The following PCDHA9 variants were observed in gnomAD, a reference collection of about 807,000 sequenced individuals.
The protein encoded by PCDHA9 is protocadherin alpha-9.
Under a neutral mutation model 62.0 loss-of-function variants are expected in PCDHA9, and 62 were observed. That is an observed-to-expected ratio of 1.00 (90% CI 0.81 to 1.23). The LOEUF is 1.23. Ranked by LOEUF, PCDHA9 falls within the 50% of genes most tolerant of loss-of-function variation. PCDHA9 has a pLI of 0.00. For missense variants in PCDHA9, 1,205 were observed against 1,249.8 expected, an observed-to-expected ratio of 0.96 and a Z score of 0.54; for synonymous variants, 557 against 567.6, an observed-to-expected ratio of 0.98 and a Z score of 0.27.
At chr5:140,982,380 C>A in intron 2 of PCDHA9, 95 bp from the exon 3 acceptor site, 1 of 1,577,206 alleles carries the variant, frequency 6.3e-7, no homozygotes, top group South Asian at 1.2e-5. Context: ...AGCTGCAGCC[C>A]TGGCTTCATA....
chr5:140,930,231 A>G (rs1234850185), intron 1 of PCDHA9: 3 of 152,238 alleles, frequency 2.0e-5, no homozygotes, highest in Non-Finnish European at 4.4e-5. Context: ...TGCACTTACC[A>G]TCCAAAGTCC....
chr5:140,857,483 T>G, intron 1 of PCDHA9: 1 of 1,598,450 alleles, frequency 6.3e-7, no homozygotes. Context: ...GGTGTCTGCG[T>G]GGGACGCGGA....
At chr5:140,965,311 T>G (rs1415569065) in intron 1 of PCDHA9, among the ~76,000 whole-genome samples, 1 of 152,180 alleles carries the variant, frequency 6.6e-6, no homozygotes, top group Non-Finnish European at 1.5e-5. Context: ...TTCTACCTTC[T>G]CTTTTACTGA....
chr5:140,947,107 G>A (rs1041048233), intron 1 of PCDHA9, among the ~76,000 whole-genome samples: 12 of 151,202 alleles, frequency 7.9e-5, no homozygotes, highest in South Asian at 4.2e-4. Flanking sequence ...AAATAGGTAC[G>A]TGTCAATTAA....
intron 1 of PCDHA9, among the ~76,000 whole-genome samples, chr5:140,951,327 C>T (rs782778063): frequency 5.3e-5 from 8 of 152,026 alleles, no homozygotes; most frequent in Non-Finnish European, 8.8e-5. Context: ...TGAGATTCAT[C>T]ATTCTGTTTG....
chr5:140,913,106 T>C (rs1308946519), intron 1 of PCDHA9, among the ~76,000 whole-genome samples: 1 of 152,194 alleles, frequency 6.6e-6, no homozygotes, highest in Admixed American at 6.6e-5. Flanking sequence ...CCTCATAGAA[T>C]CAGTTTGGAA....
At position 140,927,047 on chromosome 5, in the gene PCDHA9, C is replaced by T. The variant is rs782800214; in HGVS notation, c.2395-51902C>T. On this transcript the variant is annotated intron_variant, in intron 1 of 3. Coordinates refer to ENST00000532602, the MANE Select transcript of PCDHA9 (RefSeq NM_031857.2). ...AGGCTGCCAGCGGCCGCTATGTCCT[C>T]GCGGAACTTTCGCTTCCTTTCCAGC... The T allele has an allele frequency of 2.5e-6, 4 of 1,612,066 alleles. No homozygotes were observed. The highest frequency in any genetic ancestry group is 1.7e-5 in the Admixed American group (1 of 59,932).
rs781919488 is a variant in PCDHA9 at position 141,010,129 on chromosome 5, G to T, written c.*192G>T. 1 of 1,601,910 alleles carries T rather than the reference G, an allele frequency of 6.2e-7. No individual in the cohort carries two copies. Among genetic ancestry groups the T allele is most frequent in the East Asian group, 2.2e-5 (1 of 44,578 alleles). ...TGTCGTAAAAGCTTTACTAAGTCTGGTGTTAACTCTTTCTCTCCACTCTGG... is the reference window on the plus strand; with the variant it reads ...TGTCGTAAAAGCTTTACTAAGTCTGTTGTTAACTCTTTCTCTCCACTCTGG... On this transcript the variant is annotated 3_prime_UTR_variant, in exon 4 of 4. Transcript: ENST00000532602.
Position 140,850,329 on chromosome 5 carries a change from C to T in PCDHA9, c.1834C>T (p.Gln612Ter). The change falls in exon 1 of 4, where the codon CAG becomes TAG. Residue 612 changes from glutamine (Q) to a stop codon, truncating the protein, a stop_gained. Transcript: ENST00000532602. LOFTEE classifies it high-confidence loss of function. ...GYNAWLSYELQPETASASIPF... is the reference protein window; with the variant it reads ...GYNAWLSYEL Reference sequence around the variant, plus strand: ...CAACGCGTGGCTTTCATACGAGCTGCAGCCAGAAACGGCCAGCGCGAGCAT... The same window carrying T: ...CAACGCGTGGCTTTCATACGAGCTGTAGCCAGAAACGGCCAGCGCGAGCAT... The T allele has an allele frequency of 6.3e-7, 1 of 1,597,650 alleles. No individual in the cohort carries two copies. The highest frequency in any genetic ancestry group is 8.6e-7 in the Non-Finnish European group (1 of 1,167,750).
chr5:140,857,552 T>G lies in PCDHA9; in HGVS notation c.2394+6663T>G, dbSNP rs782203645. 82 of 1,596,700 alleles carry G rather than the reference T, an allele frequency of 5.1e-5. 3 individuals carry two copies. The Middle Eastern group carries it at 9.6e-4, about 19-fold the overall frequency. ...GGTGGAGCGGCGGTTGGGCGAGCGC[T>G]CGCTGTCGAGCTACGTGTCGGTGCA... On this transcript the variant is annotated intron_variant, in intron 1 of 3. Transcript: ENST00000532602.
chr5:140,869,182 G>A (rs2050897144), intron 1 of PCDHA9: 2 of 1,613,976 alleles, frequency 1.2e-6, no homozygotes, highest in East Asian at 2.2e-5. Flanking sequence ...CTGGGAGGTG[G>A]GGAGCGGCCA....
chr5:140,923,339 A>C (rs1341190939), intron 1 of PCDHA9, among the ~76,000 whole-genome samples: 2 of 152,154 alleles, frequency 1.3e-5, no homozygotes, highest in Non-Finnish European at 2.9e-5. Context: ...CAGTTTGGGC[A>C]ACATAGTGGG....
Position 140,848,429 on chromosome 5 carries a change from G to A in PCDHA9, c.-67G>A. Reference sequence around the variant, plus strand: ...GCGAACACAGCAGAATGGGACTGACGAAATCAGATGATTTCTTCTAATTTG... The same window carrying A: ...GCGAACACAGCAGAATGGGACTGACAAAATCAGATGATTTCTTCTAATTTG... On this transcript the variant is annotated 5_prime_UTR_variant, in exon 1 of 4. Transcript: ENST00000532602. 4.1e-6 allele frequency: 6 copies of A among 1,456,724 alleles called. 1 individual carries two copies. Among genetic ancestry groups the A allele is most frequent in the South Asian group, 1.3e-5 (1 of 77,796 alleles). The allele number at this position is 1,456,724 out of a possible 1,614,324, so 90.2% of individuals were successfully genotyped here.
At chr5:140,852,838 C>A in intron 1 of PCDHA9, 1 of 968,954 alleles carries the variant, frequency 1.0e-6, no homozygotes, top group Non-Finnish European at 1.2e-6. Context: ...CTCCTTAGAG[C>A]TAGTACTTAC....
intron 1 of PCDHA9, among the ~76,000 whole-genome samples, chr5:140,888,041 A>G (rs571709864): frequency 2.0e-5 from 3 of 152,296 alleles, no homozygotes; most frequent in South Asian, 4.1e-4. Context: ...TAGTACATGT[A>G]TAATAGATGT....
intron 1 of PCDHA9, chr5:140,876,095 T>G (rs781801828): frequency 6.2e-7 from 1 of 1,613,928 alleles, no homozygotes; most frequent in Admixed American, 1.7e-5. Context: ...ACGCCAAAAC[T>G]CAATTTATTG....
intron 3 of PCDHA9, among the ~76,000 whole-genome samples, chr5:140,993,652 T>C (rs1174007185): frequency 6.6e-6 from 1 of 152,172 alleles, no homozygotes; most frequent in Admixed American, 6.5e-5. Flanking sequence ...AATGACACTT[T>C]GGTTAACAAT....
chr5:140,858,889 AT>A (rs2045644235), intron 1 of PCDHA9: 2 of 236,178 alleles, frequency 8.5e-6, no homozygotes, highest in African/African-American at 2.4e-5. Context: ...CATGTGTAGA[AT>A]ATGTGTAGCG....
In PCDHA9 at chr5:141,000,054, A is replaced by G. The variant is rs189634054; in HGVS notation, c.2543-9573A>G. On this transcript the variant is annotated intron_variant, in intron 3 of 3. Coordinates refer to ENST00000532602, the MANE Select transcript of PCDHA9 (RefSeq NM_031857.2). ...CCAATCACACACACACCACTCTCCC[A>G]GCTGCTCTGTAGATCACAATGCTAG... Among the ~76,000 whole-genome samples the G allele has an allele frequency of 4.0e-3, 609 of 152,230 alleles. 3 individuals carry two copies. Among genetic ancestry groups the G allele is most frequent in the African/African-American group, 0.014 (564 of 41,556 alleles).
Sources: gnomAD v4.1 joint callset for allele counts (sites outside exome capture counted in the v4.1 genomes callset) on GRCh38, gnomAD v4.1.1 for gene constraint, MANE v1.5 for transcripts, NCBI Gene and HGNC (gene_info 2026-07-23, HGNC 2026-07-21) for gene names.